TMEM50B: variants seen among roughly 807,000 people sequenced by gnomAD.
The protein encoded by TMEM50B is transmembrane protein 50B.
TMEM50B carries 14 observed loss-of-function variants against 23.4 expected under a neutral mutation model. The observed-to-expected ratio is 0.60, with a 90% CI of 0.39 to 0.93. The LOEUF (loss-of-function observed/expected upper bound fraction) is 0.93, where lower values mean the gene tolerates loss of function less well. Ranked by LOEUF, TMEM50B falls within the 40% of genes least tolerant of loss-of-function variation. The pLI, the probability that TMEM50B is intolerant of heterozygous loss-of-function variation, is 0.00. For synonymous variants in TMEM50B, 64 were observed against 62.3 expected, an observed-to-expected ratio of 1.03 and a Z score of -0.13; for missense variants, 159 against 193.0, an observed-to-expected ratio of 0.82 and a Z score of 1.04.
intron 5 of TMEM50B, among the ~76,000 whole-genome samples, chr21:33,459,230 A>C (rs2084196304): frequency 6.6e-6 from 1 of 152,242 alleles, no homozygotes; most frequent in Non-Finnish European, 1.5e-5. Flanking sequence ...GTGAATGAAA[A>C]GCTATGGCAC....
downstream of TMEM50B, among the ~76,000 whole-genome samples, chr21:33,446,679 C>CAAAAAAAAAAAAAAAAA (rs1409384682): frequency 4.9e-5 from 5 of 102,354 alleles, no homozygotes; most frequent in Non-Finnish European, 9.4e-5. Flanking sequence ...AAAAAAAAAA[C>CAAAAAAAAAAAAAAAAA]CTCTAAGAAA....
intron 6 of TMEM50B, among the ~76,000 whole-genome samples, chr21:33,452,880 C>CTT (rs1225856539): frequency 6.6e-6 from 1 of 151,936 alleles, no homozygotes; most frequent in Non-Finnish European, 1.5e-5. Context: ...CCTGAGATAG[C>CTT]TATAAATATA....
chr21:33,438,603 G>C (rs1392920563), intron 8 of TMEM50B, among the ~76,000 whole-genome samples: 1 of 152,090 alleles, frequency 6.6e-6, no homozygotes, highest in Non-Finnish European at 1.5e-5. Context: ...TTCGAGACCA[G>C]CCTGGCCAAC....
chr21:33,449,687 G>A lies in TMEM50B; in HGVS notation c.*1131C>T, dbSNP rs1193728100. ...TGAAATGCATAATTTTTCACTAGGTGATAATTCCCTTTGGGAAGAAGTGCT... is the reference window on the plus strand; with the variant it reads ...TGAAATGCATAATTTTTCACTAGGTAATAATTCCCTTTGGGAAGAAGTGCT... On this transcript the variant is annotated 3_prime_UTR_variant, in exon 7 of 7. Transcript: ENST00000542230. 6.6e-6 allele frequency: 1 copy of A among 152,292 alleles called. No individual in the cohort carries two copies. The highest frequency in any genetic ancestry group is 1.9e-4 in the East Asian group (1 of 5,200). 9.4% of individuals were successfully genotyped at this position (152,292 alleles called of 1,614,324 possible).
intron 8 of TMEM50B, among the ~76,000 whole-genome samples, chr21:33,437,960 G>A (rs1363248389): frequency 8.0e-5 from 12 of 149,150 alleles, no homozygotes; most frequent in African/African-American, 2.7e-4. Flanking sequence ...TCCAGCGTGG[G>A]AGGCAGAGCG....
chr21:33,443,257 A>G (rs369440232), intron 7 of TMEM50B, among the ~76,000 whole-genome samples: 2 of 152,162 alleles, frequency 1.3e-5, no homozygotes, highest in Admixed American at 6.5e-5. Context: ...TTTCTTGACT[A>G]TTTACTTTCT....
intron 1 of TMEM50B, among the ~76,000 whole-genome samples, chr21:33,471,858 A>C (rs1568986890): frequency 6.6e-6 from 1 of 151,160 alleles, no homozygotes; most frequent in Non-Finnish European, 1.5e-5. Flanking sequence ...ACATGGTGAA[A>C]CCCCGTCTCT....
At chr21:33,435,554 G>C (rs887697564) in intron 8 of TMEM50B, among the ~76,000 whole-genome samples, 1 of 152,126 alleles carries the variant, frequency 6.6e-6, no homozygotes, top group Admixed American at 6.5e-5. Flanking sequence ...GAGTATTAAA[G>C]TGATTACTGA....
At chr21:33,471,008 G>C (rs2084310508) in intron 1 of TMEM50B, among the ~76,000 whole-genome samples, 1 of 152,146 alleles carries the variant, frequency 6.6e-6, no homozygotes, top group South Asian at 2.1e-4. Flanking sequence ...CACAGTGGCA[G>C]CAAAAAGCCA....
At chr21:33,437,875 T>C (rs556721721) in intron 8 of TMEM50B, among the ~76,000 whole-genome samples, 2 of 151,688 alleles carry the variant, frequency 1.3e-5, no homozygotes, top group South Asian at 2.1e-4. Context: ...TCCCAGCTAC[T>C]TGAGAGGCTA....
chr21:33,476,711 A>T (rs1035121796), intron 1 of TMEM50B, among the ~76,000 whole-genome samples: 25 of 142,938 alleles, frequency 1.7e-4, no homozygotes, highest in African/African-American at 6.5e-4. Flanking sequence ...CAGTGAGCCG[A>T]GATCGCACCA....
chr21:33,438,961 C>T (rs2083983693), intron 8 of TMEM50B, among the ~76,000 whole-genome samples: 1 of 152,048 alleles, frequency 6.6e-6, no homozygotes, highest in Non-Finnish European at 1.5e-5. Context: ...AACTCCTGAC[C>T]TCATGATCCA....
intron 6 of TMEM50B, among the ~76,000 whole-genome samples, chr21:33,455,470 G>A (rs569344669): frequency 6.6e-6 from 1 of 152,314 alleles, no homozygotes; most frequent in Non-Finnish European, 1.5e-5. Context: ...ACAGGCATGA[G>A]CCACAGCACT....
At chr21:33,478,582 G>C (rs1434334856) in intron 1 of TMEM50B, among the ~76,000 whole-genome samples, 5 of 152,182 alleles carry the variant, frequency 3.3e-5, no homozygotes, top group Non-Finnish European at 7.3e-5. Context: ...TGTAACCCTA[G>C]TTGACAGAGA....
downstream of TMEM50B, among the ~76,000 whole-genome samples, chr21:33,446,816 C>T (rs2084063884): frequency 6.6e-6 from 1 of 151,456 alleles, no homozygotes; most frequent in East Asian, 1.9e-4. Flanking sequence ...CAAGACCAGC[C>T]TGGGCAACAT....
chr21:33,446,647 C>A, downstream of TMEM50B, among the ~76,000 whole-genome samples: 1 of 25,758 alleles, frequency 3.9e-5, no homozygotes. Context: ...CACACACACA[C>A]ACACACACAA....
At chr21:33,476,994 C>CAACATTCTG (rs2084379769) in intron 1 of TMEM50B, among the ~76,000 whole-genome samples, 1 of 151,688 alleles carries the variant, frequency 6.6e-6, no homozygotes, top group African/African-American at 2.4e-5. Flanking sequence ...GTATACCATG[C>CAACATTCTG]AACATTCTGA....
chr21:33,475,421 C>T (rs943587408), intron 1 of TMEM50B, among the ~76,000 whole-genome samples: 3 of 152,028 alleles, frequency 2.0e-5, no homozygotes, highest in Non-Finnish European at 4.4e-5. Context: ...GATCTTGGCT[C>T]ACTGTAACTC....
intron 4 of TMEM50B, among the ~76,000 whole-genome samples, chr21:33,464,804 C>CAAAAAAAAAAAAAAAAAAAA (rs59855166): frequency 1.9e-3 from 194 of 100,806 alleles, no homozygotes; most frequent in Middle Eastern, 5.0e-3. Context: ...AACTCCGTCT[C>CAAAAAAAAAAAAAAAAAAAA]AAAAAAAAAA....
Sources: allele counts gnomAD v4.1 joint callset (sites outside exome capture counted in the v4.1 genomes callset), GRCh38; gene constraint gnomAD v4.1.1; transcripts MANE v1.5; gene names NCBI Gene and HGNC (gene_info 2026-07-23, HGNC 2026-07-21).